Variants in HCN1 observed in about 807,000 individuals in gnomAD.
HCN1 encodes the protein hyperpolarization activated cyclic nucleotide gated potassium channel 1.
Under a neutral mutation model 78.9 loss-of-function variants are expected in HCN1, and 13 were observed. The ratio of observed to expected loss-of-function variants is 0.16; its 90% CI spans 0.11 to 0.26. The LOEUF is 0.26. Among genes scored for constraint, HCN1 ranks in the 10% least tolerant of loss-of-function variants. The pLI is 1.00. For missense variants in HCN1, 810 were observed against 1,154.3 expected, an observed-to-expected ratio of 0.70 and a Z score of 4.32; for synonymous variants, 552 against 455.5, an observed-to-expected ratio of 1.21 and a Z score of -2.70.
At chr5:45,483,233 A>G (rs545785257) in intron 2 of HCN1, among the ~76,000 whole-genome samples, 1 of 152,282 alleles carries the variant, frequency 6.6e-6, no homozygotes, top group South Asian at 2.1e-4. Context: ...CCAATAATGT[A>G]TAAGCGCTAC....
intron 2 of HCN1, among the ~76,000 whole-genome samples, chr5:45,604,935 G>A (rs190045209): frequency 1.3e-5 from 2 of 152,044 alleles, no homozygotes; most frequent in East Asian, 3.9e-4. Flanking sequence ...TGGGGAGCAG[G>A]CAGAGTAATA....
intron 2 of HCN1, among the ~76,000 whole-genome samples, chr5:45,543,383 C>A (rs1743143339): frequency 6.6e-6 from 1 of 152,016 alleles, no homozygotes; most frequent in African/African-American, 2.4e-5. Flanking sequence ...TTCTTCCAAA[C>A]TATGATATAC....
intron 3 of HCN1, among the ~76,000 whole-genome samples, chr5:45,413,803 A>T (rs958355938): frequency 1.3e-5 from 2 of 152,018 alleles, no homozygotes; most frequent in Non-Finnish European, 2.9e-5. Context: ...TGCAATAAGG[A>T]ATCAAGGTGT....
chr5:45,468,751 A>ATTCCT (rs1741331510), intron 2 of HCN1, among the ~76,000 whole-genome samples: 1 of 152,032 alleles, frequency 6.6e-6, no homozygotes, highest in Non-Finnish European at 1.5e-5. Context: ...GAATCCTTTG[A>ATTCCT]ACATTTTTGG....
intron 2 of HCN1, among the ~76,000 whole-genome samples, chr5:45,628,565 TA>T (rs1312934392): frequency 6.6e-6 from 1 of 152,162 alleles, no homozygotes; most frequent in African/African-American, 2.4e-5. Context: ...ACAAAAACAT[TA>T]AAATATAAAT....
At chr5:45,427,607 T>A (rs1011697027) in intron 3 of HCN1, among the ~76,000 whole-genome samples, 5 of 152,120 alleles carry the variant, frequency 3.3e-5, no homozygotes, top group Non-Finnish European at 7.4e-5. Flanking sequence ...TTTGACAACA[T>A]AATTTTTGGG....
intron 4 of HCN1, among the ~76,000 whole-genome samples, chr5:45,375,054 TTATA>T (rs527499523): frequency 7.9e-6 from 1 of 126,704 alleles, no homozygotes; most frequent in African/African-American, 3.0e-5. Context: ...GAATGGAATT[TTATA>T]TATATATATA....
chr5:45,380,391 C>T (rs1223845411), intron 4 of HCN1, among the ~76,000 whole-genome samples: 1 of 152,022 alleles, frequency 6.6e-6, no homozygotes, highest in African/African-American at 2.4e-5. Context: ...TGGAGGGACA[C>T]AAACATTCAA....
chr5:45,287,074 G>T (rs1176047698), intron 6 of HCN1, among the ~76,000 whole-genome samples: 3 of 151,458 alleles, frequency 2.0e-5, no homozygotes, highest in Non-Finnish European at 4.4e-5. Context: ...TAGGCTAGAA[G>T]GTATGCGTGT....
chr5:45,637,588 G>C (rs189539045), intron 2 of HCN1, among the ~76,000 whole-genome samples: 114 of 150,974 alleles, frequency 7.6e-4, no homozygotes, highest in Non-Finnish European at 1.3e-3. Flanking sequence ...ATCCATTATA[G>C]ATGGAACTAA....
intron 6 of HCN1, among the ~76,000 whole-genome samples, chr5:45,301,291 C>T (rs891197490): frequency 6.0e-5 from 9 of 150,894 alleles, no homozygotes; most frequent in African/African-American, 2.2e-4. Context: ...ATATTATACT[C>T]ACAAATATAC....
chr5:45,643,441 G>A (rs1228399464), intron 2 of HCN1: 1 of 152,040 alleles, frequency 6.6e-6, no homozygotes, highest in Non-Finnish European at 1.5e-5. Context: ...ATTCAACTCT[G>A]TTGTATTGCA....
At chr5:45,342,387 A>T (rs1310275694) in intron 5 of HCN1, among the ~76,000 whole-genome samples, 25 of 144,486 alleles carry the variant, frequency 1.7e-4, no homozygotes, top group Admixed American at 1.6e-3. Context: ...ATGCCACTAC[A>T]CCTGGCTATT....
chr5:45,535,512 C>T (rs565521659), intron 2 of HCN1, among the ~76,000 whole-genome samples: 7 of 152,088 alleles, frequency 4.6e-5, no homozygotes, highest in East Asian at 1.9e-4. Context: ...GCAGGAGAAT[C>T]GCTTGAACCT....
At chr5:45,323,613 G>A (rs937629730) in intron 5 of HCN1, among the ~76,000 whole-genome samples, 1 of 151,562 alleles carries the variant, frequency 6.6e-6, no homozygotes, top group African/African-American at 2.4e-5. Context: ...TATGCACAAC[G>A]TGCAGGTTTG....
intron 2 of HCN1, among the ~76,000 whole-genome samples, chr5:45,546,479 TTTCCGGACAC>T (rs1743231220): frequency 6.6e-6 from 1 of 151,930 alleles, no homozygotes; most frequent in Non-Finnish European, 1.5e-5. Flanking sequence ...CTAAAGTGAC[TTTCCGGACAC>T]AGCTCCTAAA....
chr5:45,546,336 TTCAAA>T (rs1282067660), intron 2 of HCN1, among the ~76,000 whole-genome samples: 1 of 151,922 alleles, frequency 6.6e-6, no homozygotes, highest in African/African-American at 2.4e-5. Flanking sequence ...TCATTTCTAC[TTCAAA>T]TCAGCAAGTT....
At chr5:45,677,788 G>A (rs181996697) in intron 1 of HCN1, among the ~76,000 whole-genome samples, 1 of 151,988 alleles carries the variant, frequency 6.6e-6, no homozygotes, top group East Asian at 1.9e-4. Flanking sequence ...ACATAACTGA[G>A]AGCCAAGGGT....
At chr5:45,645,001 C>A in intron 2 of HCN1, 184 bp downstream of exon 2, 11 of 546,238 alleles carry the variant, frequency 2.0e-5, no homozygotes, top group Middle Eastern at 4.8e-4. Flanking sequence ...CATTCAAATC[C>A]ATTATTTGAT....
Sources: gnomAD v4.1 joint callset for allele counts (sites outside exome capture counted in the v4.1 genomes callset) on GRCh38, gnomAD v4.1.1 for gene constraint, MANE v1.5 for transcripts, NCBI Gene and HGNC (gene_info 2026-07-23, HGNC 2026-07-21) for gene names.